DDR1: variants seen among roughly 807,000 people sequenced by gnomAD.
The protein encoded by DDR1 is discoidin domain receptor tyrosine kinase 1.
DDR1 carries 64 observed loss-of-function variants against 97.4 expected under a neutral mutation model. That is an observed-to-expected ratio of 0.66 (90% confidence interval 0.54 to 0.81). DDR1 has a LOEUF of 0.81. Among genes scored for constraint, DDR1 ranks in the 30% least tolerant of loss-of-function variants. The probability of loss-of-function intolerance (pLI) is 0.00; values close to 1 mark genes in which losing one functional copy is unlikely to be tolerated. For missense variants in DDR1, 990 were observed against 1,259.6 expected (o/e 0.79, Z 3.24); for synonymous variants, 458 against 503.7 (o/e 0.91, Z 1.21).
Position 30,884,886 on chromosome 6 carries a change from G to C in DDR1, c.-43+176G>C. 1 of 363,436 alleles carries C rather than the reference G, an allele frequency of 2.8e-6. No homozygotes were observed. The highest frequency in any genetic ancestry group is 4.1e-5 in the East Asian group (1 of 24,436). The allele number at this position is 363,436 out of a possible 1,614,324, so 22.5% of individuals were successfully genotyped here. On this transcript the variant is annotated intron_variant, in intron 1 of 17. Transcript: ENST00000376568. The surrounding 1 kb of genome is among the most constrained non-coding windows in gnomAD (Gnocchi z 6.1). Reference sequence around the variant, plus strand: ...TCCCCGATGCTCTGGCATACCGTCTGAAAACCGGGGGCGGGGACTGGGTGG... The same window carrying C: ...TCCCCGATGCTCTGGCATACCGTCTCAAAACCGGGGGCGGGGACTGGGTGG...
At position 30,895,493 on chromosome 6, in the gene DDR1, G is replaced by A; in HGVS notation, c.1603G>A (p.Ala535Thr). The A allele has an allele frequency of 3.1e-6, 5 of 1,600,702 alleles. No homozygotes were observed. The highest frequency in any genetic ancestry group is 4.2e-6 in the Non-Finnish European group (5 of 1,176,980). The stretch of plus-strand genomic sequence containing the variant: ...CCCGGGCCCCCCCACACCCGCCTGG[G>A]CCAAACCCACCAACACCCAGGGTAA... ...RGPGPPTPAW[A>T]KPTNTQAYSG... The change falls in exon 12 of 18, where the codon GCC becomes ACC. Residue 535 changes from alanine to threonine, a missense_variant. Coordinates refer to ENST00000376568, the MANE Select transcript of DDR1 (RefSeq NM_001297654.2).
chr6:30,897,310 G>C lies in DDR1; in HGVS notation c.1998-69G>C. 1 of 1,486,482 alleles carries C rather than the reference G, an allele frequency of 6.7e-7. No homozygotes were observed. The highest frequency in any genetic ancestry group is 9.1e-7 in the Non-Finnish European group (1 of 1,096,804). The allele number at this position is 1,486,482 out of a possible 1,614,324, so 92.1% of individuals were successfully genotyped here. A position where few individuals can be genotyped will look rare whatever the true frequency, so the allele number is the denominator to read the frequency against. The stretch of plus-strand genomic sequence containing the variant: ...TGGTCTGCCTGAGGTGGGGCAGGGG[G>C]GTGGGGGCGCGGGGGAAGGTGCAGG... On this transcript the variant is annotated intron_variant, in intron 14 of 17. Coordinates refer to ENST00000376568, the MANE Select transcript of DDR1 (RefSeq NM_001297654.2). The surrounding 1 kb of genome is among the most constrained non-coding windows in gnomAD (Gnocchi z 5.2).
Position 30,898,230 on chromosome 6 carries a change from T to C in DDR1, c.2374T>C (p.Tyr792His), listed in dbSNP as rs543159624. 7.4e-6 allele frequency: 12 copies of C among 1,614,076 alleles called. No individual in the cohort carries two copies. Among genetic ancestry groups the C allele is most frequent in the Non-Finnish European group, 1.0e-5 (12 of 1,180,014 alleles). ...IADFGMSRNL[Y>H]AGDYYRVQGR... Reference sequence around the variant, plus strand: ...AGACTTTGGCATGAGCCGGAACCTCTATGCTGGGGACTATTACCGTGTGCA... The same window carrying C: ...AGACTTTGGCATGAGCCGGAACCTCCATGCTGGGGACTATTACCGTGTGCA... The change falls in exon 16 of 18, where the codon TAT (tyrosine) becomes CAT (histidine). Residue 792 changes from tyrosine (Y) to histidine (H), a missense_variant. Physicochemically the swap from Tyr to His is moderately conservative, Grantham distance 83. Transcript: ENST00000376568.
Position 30,891,603 on chromosome 6 carries a change from G to T in DDR1, c.665+124G>T. 1 of 741,130 alleles carries T rather than the reference G, an allele frequency of 1.3e-6. No homozygotes were observed. Among genetic ancestry groups the T allele is most frequent in the South Asian group, 1.7e-5 (1 of 58,314 alleles). 45.9% of individuals were successfully genotyped at this position (741,130 alleles called of 1,614,324 possible). On this transcript the variant is annotated intron_variant, in intron 6 of 17. Coordinates refer to ENST00000376568, the MANE Select transcript of DDR1 (RefSeq NM_001297654.2). The surrounding 1 kb of genome is among the most constrained non-coding windows in gnomAD (Gnocchi z 5.3). ...GGCTGGTAAGTAGGGTGGGGAGTGAGATGGAAGAGCTGAGAAGAGGGATGG... is the reference window on the plus strand; with the variant it reads ...GGCTGGTAAGTAGGGTGGGGAGTGATATGGAAGAGCTGAGAAGAGGGATGG...
In DDR1 at chr6:30,891,761, G is replaced by A. The variant is rs1479310293; in HGVS notation, c.666-241G>A. 1.3e-5 allele frequency among the ~76,000 whole-genome samples: 2 copies of A among 152,126 alleles called. No individual in the cohort carries two copies. Among genetic ancestry groups the A allele is most frequent in the Non-Finnish European group, 2.9e-5 (2 of 68,016 alleles). ...AAATATACACATCATAGATTGAAATGGTGCCCCTTAGAGGTGGTGCCTTTG... is the reference window on the plus strand; with the variant it reads ...AAATATACACATCATAGATTGAAATAGTGCCCCTTAGAGGTGGTGCCTTTG... On this transcript the variant is annotated intron_variant, in intron 6 of 17. Coordinates refer to ENST00000376568, the MANE Select transcript of DDR1 (RefSeq NM_001297654.2). This position sits in a 1 kb window ranked among gnomAD's most constrained non-coding sequence, Gnocchi z 5.3.
Position 30,890,708 on chromosome 6 carries a change from A to G in DDR1, c.418-265A>G, listed in dbSNP as rs1479524700. On this transcript the variant is annotated intron_variant, in intron 4 of 17. Coordinates refer to ENST00000376568, the MANE Select transcript of DDR1 (RefSeq NM_001297654.2). The surrounding 1 kb of genome is among the most constrained non-coding windows in gnomAD (Gnocchi z 5.0). Reference sequence around the variant, plus strand: ...AATGGGATGATAGGCTTGGAGACAAATGGATGGAGCCAGGCAAGGAGAAGA... The same window carrying G: ...AATGGGATGATAGGCTTGGAGACAAGTGGATGGAGCCAGGCAAGGAGAAGA... The G allele has an allele frequency of 4.5e-6, 2 of 447,070 alleles. No individual in the cohort carries two copies. Among genetic ancestry groups the G allele is most frequent in the Non-Finnish European group, 7.8e-6 (2 of 256,384 alleles). 27.7% of individuals were successfully genotyped at this position (447,070 alleles called of 1,614,324 possible). A position where few individuals can be genotyped will look rare whatever the true frequency, so the allele number is the denominator to read the frequency against.
chr6:30,899,410 C>T lies in DDR1; in HGVS notation c.*114C>T. 38 of 1,372,962 alleles carry T rather than the reference C, an allele frequency of 2.8e-5. No homozygotes were observed. Among genetic ancestry groups the T allele is most frequent in the Non-Finnish European group, 3.7e-5 (38 of 1,025,732 alleles). 85.0% of individuals were successfully genotyped at this position (1,372,962 alleles called of 1,614,324 possible). ...TTCCCCTCCCGACAGCCCATCACCT[C>T]TAATAGAGGCAGTGAGACTGCAGGT... On this transcript the variant is annotated 3_prime_UTR_variant, in exon 18 of 18. Transcript: ENST00000376568.
upstream of DDR1, chr6:30,882,971 GT>G (rs11334273): frequency 0.26 from 39,777 of 152,228 alleles, 6,158 homozygotes; most frequent in East Asian, 0.61. The surrounding 1 kb of genome is among the most constrained non-coding windows in gnomAD (Gnocchi z 4.8). Context: ...CCCAGCTGCT[GT>G]TCTCTGGAGG....
Position 30,892,510 on chromosome 6 carries a change from G to C in DDR1, c.1067G>C (p.Trp356Ser). ...TGCCGCTTCCTCTTTGCGGGGCCCT[G>C]GTTACTCTTCAGCGAAATCTCCTTC... The part of the protein sequence containing the change: ...LQCRFLFAGP[W>S]LLFSEISFIS... Residue 356 changes from tryptophan to serine, a missense_variant, in exon 8 of 18, where the codon TGG (tryptophan) becomes TCG (serine). Physicochemically the swap from Trp to Ser is radical, Grantham distance 177. Coordinates refer to ENST00000376568, the MANE Select transcript of DDR1 (RefSeq NM_001297654.2). 6.2e-7 allele frequency: 1 copy of C among 1,603,588 alleles called. No homozygotes were observed. Among genetic ancestry groups the C allele is most frequent in the Non-Finnish European group, 8.5e-7 (1 of 1,174,188 alleles).
At position 30,898,993 on chromosome 6, in the gene DDR1, G is replaced by T; in HGVS notation, c.2557G>T (p.Val853Phe). ...QPFGQLTDEQ[V>F]IENAGEFFRD... ...CTTTGGGCAGCTCACCGACGAGCAGGTCATCGAGAACGCGGGGGAGTTCTT... is the reference window on the plus strand; with the variant it reads ...CTTTGGGCAGCTCACCGACGAGCAGTTCATCGAGAACGCGGGGGAGTTCTT... Residue 853 changes from valine (V) to phenylalanine (F), a missense_variant, in exon 17 of 18, where the codon GTC (valine) becomes TTC (phenylalanine). Transcript: ENST00000376568. 1 of 1,614,084 alleles carries T rather than the reference G, an allele frequency of 6.2e-7. No homozygotes were observed. The highest frequency in any genetic ancestry group is 8.5e-7 in the Non-Finnish European group (1 of 1,179,986).
intron 1 of DDR1, chr6:30,885,138 G>A: frequency 6.8e-7 from 1 of 1,474,110 alleles, no homozygotes. Context: ...TCACAGTCCA[G>A]CAAAAAGAGG....
upstream of DDR1, chr6:30,881,291 AAT>A (rs746975843): frequency 1.3e-5 from 2 of 152,586 alleles, no homozygotes; most frequent in Admixed American, 6.5e-5. Context: ...AAAGAGAGGG[AAT>A]AGAGTTGGGT....
rs1788970364 is a variant in DDR1 at position 30,892,681 on chromosome 6, C to A, written c.1099+139C>A. The A allele has an allele frequency of 5.9e-5, 71 of 1,205,910 alleles. No individual in the cohort carries two copies. In the South Asian group the frequency reaches 1.1e-3, roughly 19 times the overall value. 74.7% of individuals were successfully genotyped at this position (1,205,910 alleles called of 1,614,324 possible). A position where few individuals can be genotyped will look rare whatever the true frequency, so the allele number is the denominator to read the frequency against. On this transcript the variant is annotated intron_variant, in intron 8 of 17. Transcript: ENST00000376568. ...ACCGAAACTTCTCAATTAGGGGTGC[C>A]CCAAATAACTTGAGCCCCTTTCTGC...
Position 30,885,127 on chromosome 6 carries a change from G to A in DDR1, c.-43+417G>A. ...AGCCAACACCCAGTTGGTCAGTCTG[G>A]TCACAGTCCAGCAAAAAGAGGGACT... On this transcript the variant is annotated intron_variant, in intron 1 of 17. Coordinates refer to ENST00000376568, the MANE Select transcript of DDR1 (RefSeq NM_001297654.2). 1.1e-5 allele frequency: 16 copies of A among 1,438,934 alleles called. 2 individuals carry two copies. In the South Asian group the frequency reaches 1.9e-4, roughly 17 times the overall value. The allele number at this position is 1,438,934 out of a possible 1,614,324, so 89.1% of individuals were successfully genotyped here. A position where few individuals can be genotyped will look rare whatever the true frequency, so the allele number is the denominator to read the frequency against.
At chr6:30,885,314 G>C (rs1256478258) in intron 1 of DDR1, 29 of 1,501,340 alleles carry the variant, frequency 1.9e-5, no homozygotes, top group Non-Finnish European at 2.5e-5. Flanking sequence ...GCAGCCAGAG[G>C]CAGGCGCCCA....
rs976139451 is a variant in DDR1, at chr6:30,884,882, G to T, written c.-43+172G>T. The T allele has an allele frequency of 8.4e-6, 3 of 356,972 alleles. No homozygotes were observed. The highest frequency in any genetic ancestry group is 1.5e-5 in the Non-Finnish European group (3 of 197,058). 22.1% of individuals were successfully genotyped at this position (356,972 alleles called of 1,614,324 possible). On this transcript the variant is annotated intron_variant, in intron 1 of 17. Coordinates refer to ENST00000376568, the MANE Select transcript of DDR1 (RefSeq NM_001297654.2). This position sits in a 1 kb window ranked among gnomAD's most constrained non-coding sequence, Gnocchi z 6.1. ...CGCCTCCCCGATGCTCTGGCATACCGTCTGAAAACCGGGGGCGGGGACTGG... is the reference window on the plus strand; with the variant it reads ...CGCCTCCCCGATGCTCTGGCATACCTTCTGAAAACCGGGGGCGGGGACTGG...
Position 30,888,572 on chromosome 6 carries a change from G to T in DDR1, c.-42-116G>T. ...AATATAGCTGATGCTGTTAAACAAT[G>T]ACTGTTGTTGTTGTTTTACTGTTAT... On this transcript the variant is annotated intron_variant, in intron 1 of 17. Transcript: ENST00000376568. The surrounding 1 kb of genome is among the most constrained non-coding windows in gnomAD (Gnocchi z 4.2). 8.6e-7 allele frequency: 1 copy of T among 1,159,504 alleles called. No individual in the cohort carries two copies. The highest frequency in any genetic ancestry group is 1.5e-5 in the South Asian group (1 of 65,154). 71.8% of individuals were successfully genotyped at this position (1,159,504 alleles called of 1,614,324 possible).
chr6:30,889,470 TCC>T lies in DDR1; in HGVS notation c.417+41_417+42del. On this transcript the variant is annotated intron_variant, in intron 4 of 17. Transcript: ENST00000376568. This position sits in a 1 kb window ranked among gnomAD's most constrained non-coding sequence, Gnocchi z 4.9. ...GGCAGCACCCAGAGGAGGTTGGCTC[TCC>T]TCACTTCCAGCTGTACTTTAAACAC... is the stretch of plus-strand genomic sequence containing the variant. The T allele has an allele frequency of 3.5e-6, 5 of 1,410,414 alleles. No individual in the cohort carries two copies. The highest frequency in any genetic ancestry group is 2.9e-5 in the South Asian group (2 of 69,108). The allele number at this position is 1,410,414 out of a possible 1,614,324, so 87.4% of individuals were successfully genotyped here.
In DDR1 at chr6:30,897,361, C is replaced by T. The variant is rs768442810; in HGVS notation, c.1998-18C>T. 1.7e-5 allele frequency: 27 copies of T among 1,613,544 alleles called. No homozygotes were observed. The South Asian group carries it at 2.7e-4, about 16-fold the overall frequency. ...CCGCCCACTCGGCATTCCTCTTCAGCTTCTCCTTGTTCTCCAGGAATGATT... is the reference window on the plus strand; with the variant it reads ...CCGCCCACTCGGCATTCCTCTTCAGTTTCTCCTTGTTCTCCAGGAATGATT... On this transcript the variant is annotated intron_variant, in intron 14 of 17. Transcript: ENST00000376568. This position sits in a 1 kb window ranked among gnomAD's most constrained non-coding sequence, Gnocchi z 5.2.
Sources: gnomAD v4.1 joint callset for allele counts (sites outside exome capture counted in the v4.1 genomes callset) on GRCh38, gnomAD v4.1.1 for gene constraint, Gnocchi (gnomAD v3.1) non-coding constraint, MANE v1.5 for transcripts, NCBI Gene and HGNC (gene_info 2026-07-23, HGNC 2026-07-21) for gene names.